Variants in AOAH observed in about 807,000 individuals in gnomAD.
AOAH encodes acyloxyacyl hydrolase, also known as acyloxyacyl hydrolase (neutrophil).
Under a neutral mutation model 92.2 loss-of-function variants are expected in AOAH, and 64 were observed. The observed-to-expected ratio is 0.69, with a 90% CI of 0.57 to 0.86. AOAH has a LOEUF of 0.86. Ranked by LOEUF, AOAH falls within the 40% of genes least tolerant of loss-of-function variation. The pLI, the probability that AOAH is intolerant of heterozygous loss-of-function variation, is 0.00. For missense variants in AOAH, 656 were observed against 694.6 expected (o/e 0.94, Z 0.62); for synonymous variants, 263 against 254.5 (o/e 1.03, Z -0.32).
At chr7:36,659,418 G>A (rs7793220) in intron 3 of AOAH, among the ~76,000 whole-genome samples, 153 bp from the exon 4 acceptor site, 197 of 152,314 alleles carry the variant, frequency 1.3e-3, no homozygotes, top group African/African-American at 4.6e-3. Flanking sequence ...GGGAGCTGCT[G>A]GATGGTAATG....
chr7:36,554,144 T>C (rs1786503271), intron 13 of AOAH, among the ~76,000 whole-genome samples: 1 of 152,254 alleles, frequency 6.6e-6, no homozygotes, highest in South Asian at 2.1e-4. Context: ...TTAATCCATC[T>C]TGAATTAATT....
At chr7:36,656,455 G>A (rs11761622) in intron 4 of AOAH, among the ~76,000 whole-genome samples, 21,569 of 151,968 alleles carry the variant, frequency 0.14, 1,873 homozygotes, top group Non-Finnish European at 0.19. Flanking sequence ...GTCTTCACCC[G>A]CCCTTAGTAG....
At chr7:36,622,207 T>C (rs1476242787) in intron 7 of AOAH, among the ~76,000 whole-genome samples, 1 of 152,148 alleles carries the variant, frequency 6.6e-6, no homozygotes, top group Non-Finnish European at 1.5e-5. Flanking sequence ...ATGTGTTTGC[T>C]CATGTATGTG....
chr7:36,622,426 C>T (rs1188764534), intron 7 of AOAH, among the ~76,000 whole-genome samples: 1 of 152,080 alleles, frequency 6.6e-6, no homozygotes, highest in African/African-American at 2.4e-5. Context: ...TATAATAATG[C>T]CAGATAATAT....
chr7:36,608,239 A>AG (rs1046397927), intron 11 of AOAH, among the ~76,000 whole-genome samples: 15 of 152,188 alleles, frequency 9.9e-5, no homozygotes, highest in Non-Finnish European at 1.6e-4. Context: ...CTTTACAGTG[A>AG]GGGGGAAGCA....
rs141093916 is a variant in AOAH, at chr7:36,615,321, A to C, written c.846+1059T>G. Among the ~76,000 whole-genome samples the C allele has an allele frequency of 3.7e-3, 566 of 152,332 alleles. 1 individual carries two copies. Among genetic ancestry groups the C allele is most frequent in the African/African-American group, 0.013 (544 of 41,564 alleles). On this transcript the variant is annotated intron_variant, in intron 11 of 20. Coordinates refer to ENST00000617537, the MANE Select transcript of AOAH (RefSeq NM_001637.4). Reference sequence around the variant, plus strand: ...ATGACATTAAATAGCAAATAAGAAAATACCATGACATATTGAGGGAGACTG... The same window carrying C: ...ATGACATTAAATAGCAAATAAGAAACTACCATGACATATTGAGGGAGACTG...
intron 4 of AOAH, among the ~76,000 whole-genome samples, chr7:36,638,805 C>T (rs1003284511): frequency 6.6e-6 from 1 of 152,228 alleles, no homozygotes; most frequent in East Asian, 1.9e-4. Context: ...GGAAAAGATG[C>T]TCTTCAGGTG....
chr7:36,683,381 C>T (rs957975932), intron 2 of AOAH, among the ~76,000 whole-genome samples: 3 of 152,040 alleles, frequency 2.0e-5, no homozygotes, highest in Admixed American at 6.5e-5. Flanking sequence ...GTTGCTGATG[C>T]AGCTAAGACT....
intron 12 of AOAH, among the ~76,000 whole-genome samples, chr7:36,577,129 G>A (rs530921325): frequency 1.3e-5 from 2 of 150,112 alleles, no homozygotes; most frequent in East Asian, 4.0e-4. Context: ...TGCTACAATA[G>A]AATTTATAGA....
intron 1 of AOAH, among the ~76,000 whole-genome samples, chr7:36,717,944 A>T (rs1025997494): frequency 6.6e-6 from 1 of 152,148 alleles, no homozygotes; most frequent in African/African-American, 2.4e-5. Flanking sequence ...GACAAAAGAA[A>T]AAAATAGATA....
chr7:36,527,509 C>T (rs1282679382), intron 19 of AOAH, among the ~76,000 whole-genome samples: 1 of 151,900 alleles, frequency 6.6e-6, no homozygotes, highest in Non-Finnish European at 1.5e-5. Flanking sequence ...ACTCAAAGTA[C>T]TTCACAGGCG....
chr7:36,621,310 C>T (rs1326409248), intron 8 of AOAH, among the ~76,000 whole-genome samples: 1 of 152,216 alleles, frequency 6.6e-6, no homozygotes, highest in African/African-American at 2.4e-5. Flanking sequence ...TCATTAGAGG[C>T]TTCTCCTTAC....
intron 3 of AOAH, among the ~76,000 whole-genome samples, chr7:36,659,608 A>T (rs1795088451): frequency 6.6e-6 from 1 of 152,214 alleles, no homozygotes; most frequent in Admixed American, 6.5e-5. Context: ...TGATGGAAAC[A>T]ATATTTTGAA....
At chr7:36,534,684 AT>A (rs1188702620) in intron 16 of AOAH, among the ~76,000 whole-genome samples, 28 of 152,160 alleles carry the variant, frequency 1.8e-4, no homozygotes, top group African/African-American at 6.5e-4. Flanking sequence ...TGGCCTATTG[AT>A]CCTACTTCTA....
At chr7:36,599,450 A>G (rs1268205842) in intron 11 of AOAH, among the ~76,000 whole-genome samples, 1 of 146,100 alleles carries the variant, frequency 6.8e-6, no homozygotes, top group Non-Finnish European at 1.5e-5. Context: ...TGCTGTGGAC[A>G]ATCTACACAG....
chr7:36,621,126 T>C (rs1792249619), intron 8 of AOAH, among the ~76,000 whole-genome samples: 1 of 152,212 alleles, frequency 6.6e-6, no homozygotes, highest in Non-Finnish European at 1.5e-5. Context: ...ATGGTGCCGA[T>C]GAACATAATG....
rs144888324 is a variant in AOAH at position 36,650,977 on chromosome 7, G to A, written c.390+8189C>T. ...ACTTAAACCAGCAGGGGAACAAGGC[G>A]CTGGCCATGCAGGGAACTGGGAGTT... On this transcript the variant is annotated intron_variant, in intron 4 of 20. Coordinates refer to ENST00000617537, the MANE Select transcript of AOAH (RefSeq NM_001637.4). Among the ~76,000 whole-genome samples the A allele has an allele frequency of 8.7e-4, 132 of 152,326 alleles. 2 individuals are homozygous for A. Among genetic ancestry groups the A allele is most frequent in the African/African-American group, 2.5e-3 (104 of 41,580 alleles).
At chr7:36,555,279 G>A (rs1314309495) in intron 13 of AOAH, among the ~76,000 whole-genome samples, 1 of 152,060 alleles carries the variant, frequency 6.6e-6, no homozygotes, top group Non-Finnish European at 1.5e-5. Flanking sequence ...TTATATGCTG[G>A]ATTACATTTA....
chr7:36,580,946 G>A (rs1277974437), intron 12 of AOAH, among the ~76,000 whole-genome samples: 7 of 152,126 alleles, frequency 4.6e-5, no homozygotes, highest in Admixed American at 1.3e-4. Context: ...ATGTGTTTCC[G>A]TAGGATACTC....
Sources: gnomAD v4.1 joint callset for allele counts (sites outside exome capture counted in the v4.1 genomes callset) on GRCh38, gnomAD v4.1.1 for gene constraint, MANE v1.5 for transcripts, NCBI Gene and HGNC (gene_info 2026-07-23, HGNC 2026-07-21) for gene names.